ESR1: variants seen among roughly 807,000 people sequenced by gnomAD.
ESR1 encodes the protein estrogen receptor.
A neutral mutation model predicts 52.7 loss-of-function variants in ESR1; 12 were observed. The observed-to-expected ratio is 0.23, with a 90% CI of 0.15 to 0.37. ESR1 has a LOEUF of 0.37. Ranked by LOEUF, ESR1 falls within the 10% of genes least tolerant of loss-of-function variation. The pLI is 1.00. For missense variants in ESR1, 584 were observed against 779.7 expected, an observed-to-expected ratio of 0.75 and a Z score of 2.99; for synonymous variants, 305 against 316.8, an observed-to-expected ratio of 0.96 and a Z score of 0.39.
At chr6:151,899,506 G>A (rs1796258979) in intron 3 of ESR1, among the ~76,000 whole-genome samples, 1 of 146,648 alleles carries the variant, frequency 6.8e-6, no homozygotes, top group South Asian at 2.1e-4. Context: ...CCCGGACGGG[G>A]CGGCTGGCCG....
chr6:151,855,070 C>T (rs1298602084), intron 2 of ESR1, among the ~76,000 whole-genome samples: 1 of 152,148 alleles, frequency 6.6e-6, no homozygotes, highest in African/African-American at 2.4e-5. Flanking sequence ...TGGGCCACCA[C>T]ACCCAACTAA....
intron 4 of ESR1, among the ~76,000 whole-genome samples, chr6:151,973,569 GTCT>G (rs2039127542): frequency 6.6e-6 from 1 of 152,162 alleles, no homozygotes; most frequent in Non-Finnish European, 1.5e-5. Flanking sequence ...TTTCCTGAGA[GTCT>G]ACTATGCTCC....
intron 2 of ESR1, among the ~76,000 whole-genome samples, chr6:151,709,156 C>T (rs980178473): frequency 9.2e-5 from 14 of 152,100 alleles, no homozygotes; most frequent in East Asian, 3.8e-4. Flanking sequence ...GCCCCAGCCC[C>T]GGTAACCACC....
chr6:152,068,286 T>G (rs2048126122), intron 6 of ESR1, among the ~76,000 whole-genome samples: 1 of 152,230 alleles, frequency 6.6e-6, no homozygotes, highest in Non-Finnish European at 1.5e-5. Flanking sequence ...TGTATTTAGT[T>G]GAGATACTTA....
chr6:151,840,725 T>C (rs1369938313), intron 1 of ESR1, among the ~76,000 whole-genome samples: 2 of 152,226 alleles, frequency 1.3e-5, no homozygotes, highest in Admixed American at 6.5e-5. Flanking sequence ...CAAGAGACCC[T>C]GCTGGAAGGG....
chr6:151,895,115 T>TA (rs1373797782), intron 3 of ESR1, among the ~76,000 whole-genome samples: 2 of 140,274 alleles, frequency 1.4e-5, no homozygotes, highest in Non-Finnish European at 3.0e-5. Flanking sequence ...CCTTCTTGGT[T>TA]AGTTTTTGTT....
chr6:152,061,188 A>T lies in ESR1; in HGVS notation c.1369+64A>T. 6.6e-7 allele frequency: 1 copy of T among 1,515,882 alleles called. No homozygotes were observed. Among genetic ancestry groups the T allele is most frequent in the Non-Finnish European group, 9.2e-7 (1 of 1,092,486 alleles). 93.9% of individuals were successfully genotyped at this position (1,515,882 alleles called of 1,614,324 possible). A position where few individuals can be genotyped will look rare whatever the true frequency, so the allele number is the denominator to read the frequency against. ...ATGTTTATTTGTAGTTTTCAACCAG[A>T]TACGATCTACCCACTCCAAAGGCAT... On this transcript the variant is annotated intron_variant, in intron 6 of 7. Transcript: ENST00000206249. This position sits in a 1 kb window ranked among gnomAD's most constrained non-coding sequence, Gnocchi z 4.3.
At chr6:151,760,773 A>G (rs1001503635) in intron 2 of ESR1, among the ~76,000 whole-genome samples, 1 of 152,224 alleles carries the variant, frequency 6.6e-6, no homozygotes, top group African/African-American at 2.4e-5. Flanking sequence ...TGAGAACTAG[A>G]TGGAGGCTAT....
intron 3 of ESR1, among the ~76,000 whole-genome samples, chr6:151,883,553 T>C (rs1029060597): frequency 2.4e-4 from 37 of 151,630 alleles, no homozygotes; most frequent in African/African-American, 7.0e-4. Context: ...GGATTAGGAG[T>C]CCACCCTTAT....
At chr6:151,771,396 G>A (rs1785504301) in intron 2 of ESR1, among the ~76,000 whole-genome samples, 1 of 152,180 alleles carries the variant, frequency 6.6e-6, no homozygotes, top group Non-Finnish European at 1.5e-5. Context: ...TTGTTCTAAA[G>A]TTTCTACTTT....
intron 1 of ESR1, among the ~76,000 whole-genome samples, chr6:151,670,174 C>T (rs183306549): frequency 7.9e-5 from 12 of 152,270 alleles, no homozygotes; most frequent in Admixed American, 5.9e-4. Flanking sequence ...TGGTCGTGGC[C>T]GGGCCTTCCT....
chr6:151,749,720 C>T (rs765714009), intron 2 of ESR1, among the ~76,000 whole-genome samples: 11 of 152,114 alleles, frequency 7.2e-5, no homozygotes, highest in African/African-American at 2.4e-4. Context: ...AAGGGGATCA[C>T]GGAGCTAGGG....
intron 5 of ESR1, among the ~76,000 whole-genome samples, chr6:152,028,713 T>TGGGGGCA (rs1462744239): frequency 6.6e-6 from 1 of 152,172 alleles, no homozygotes; most frequent in Non-Finnish European, 1.5e-5. Context: ...ACTCCACCTC[T>TGGGGGCA]GGGGGCAGGG....
intron 3 of ESR1, among the ~76,000 whole-genome samples, chr6:151,897,429 A>G (rs781041338): frequency 6.6e-6 from 1 of 152,218 alleles, no homozygotes; most frequent in Non-Finnish European, 1.5e-5. Flanking sequence ...TTATCATTAT[A>G]TAATGCTCTT....
At chr6:152,113,553 G>A (rs2051172611) in intron 6 of ESR1, among the ~76,000 whole-genome samples, 1 of 151,984 alleles carries the variant, frequency 6.6e-6, no homozygotes, top group Non-Finnish European at 1.5e-5. Context: ...TGACACATTT[G>A]TGAAGAGGGA....
chr6:151,997,570 T>C (rs1033184469), intron 4 of ESR1, among the ~76,000 whole-genome samples: 6 of 152,124 alleles, frequency 3.9e-5, no homozygotes, highest in Non-Finnish European at 5.9e-5. Context: ...ATGGATGCAT[T>C]GGGAGGAAAA....
intron 6 of ESR1, among the ~76,000 whole-genome samples, chr6:152,065,005 A>G (rs933405884): frequency 2.7e-4 from 41 of 152,348 alleles, no homozygotes; most frequent in African/African-American, 9.4e-4. Flanking sequence ...GGACCATTGT[A>G]GGCCCTTAGT....
intron 4 of ESR1, among the ~76,000 whole-genome samples, chr6:151,998,912 A>G (rs1275163892): frequency 6.6e-6 from 1 of 152,086 alleles, no homozygotes; most frequent in Non-Finnish European, 1.5e-5. Flanking sequence ...TTTTATTGGT[A>G]TCTAAGATGT....
rs758655290 is a variant in ESR1 at position 152,125,405 on chromosome 6, C to T, written c.*57C>T. The stretch of plus-strand genomic sequence containing the variant: ...GCAGATCATCAAATCCGTGTGTGGA[C>T]GTGGGGACATTTTGTTTTGAGGCAG... On this transcript the variant is annotated 3_prime_UTR_variant, in exon 7 of 7. Transcript: ENST00000427531. 288 of 1,512,512 alleles carry T rather than the reference C, an allele frequency of 1.9e-4. 1 individual carries two copies. The highest frequency in any genetic ancestry group is 5.2e-4 in the Middle Eastern group (3 of 5,806). The allele number at this position is 1,512,512 out of a possible 1,614,324, so 93.7% of individuals were successfully genotyped here.
Sources: allele counts gnomAD v4.1 joint callset (sites outside exome capture counted in the v4.1 genomes callset), GRCh38; gene constraint gnomAD v4.1.1; non-coding constraint Gnocchi (gnomAD v3.1); transcripts MANE v1.5; gene names NCBI Gene and HGNC (gene_info 2026-07-23, HGNC 2026-07-21).